Variants in CNTLN observed in about 807,000 individuals in gnomAD.
The protein encoded by CNTLN is centlein, centrosomal protein.
CNTLN carries 212 observed loss-of-function variants against 180.0 expected under a neutral mutation model. That is an observed-to-expected ratio of 1.18 (90% confidence interval 1.05 to 1.32). CNTLN has a LOEUF of 1.32. Among genes scored for constraint, CNTLN ranks in the 40% most tolerant of loss-of-function variants. The probability of loss-of-function intolerance (pLI) is 0.00; values close to 1 mark genes in which losing one functional copy is unlikely to be tolerated. For missense variants in CNTLN, 2,095 were observed against 1,610.9 expected, an observed-to-expected ratio of 1.30 and a Z score of -5.14; for synonymous variants, 722 against 563.1, an observed-to-expected ratio of 1.28 and a Z score of -3.99.
chr9:17,513,469 G>A, the CNTLN span, among the ~76,000 whole-genome samples: 452 of 152,226 alleles, frequency 3.0e-3, 3 homozygotes, highest in African/African-American at 0.01. Flanking sequence ...GCCCAGGCGG[G>A]CAGCTCATTT....
At chr9:17,235,261 A>C (rs1825068680) in intron 3 of CNTLN, among the ~76,000 whole-genome samples, 1 of 152,186 alleles carries the variant, frequency 6.6e-6, no homozygotes, top group Non-Finnish European at 1.5e-5. Context: ...GCTTTTACAA[A>C]ATCATAGTTT....
chr9:17,197,295 A>G (rs769123834), intron 2 of CNTLN, among the ~76,000 whole-genome samples: 1 of 152,150 alleles, frequency 6.6e-6, no homozygotes, highest in Non-Finnish European at 1.5e-5. Context: ...CCTTGTCAGC[A>G]TTTGTAATTG....
chr9:17,253,631 C>T (rs1357325712), intron 5 of CNTLN, among the ~76,000 whole-genome samples: 1 of 150,866 alleles, frequency 6.6e-6, no homozygotes, highest in Non-Finnish European at 1.5e-5. Flanking sequence ...TGCAACTTTA[C>T]TGAATTTATT....
At chr9:17,268,068 C>T (rs929914886) in intron 5 of CNTLN, among the ~76,000 whole-genome samples, 12 of 152,278 alleles carry the variant, frequency 7.9e-5, no homozygotes, top group Middle Eastern at 3.4e-3. Flanking sequence ...AGCTTTGTTC[C>T]GTTGCTGGTG....
chr9:17,161,930 C>T (rs1459356224), intron 2 of CNTLN, among the ~76,000 whole-genome samples: 1 of 151,676 alleles, frequency 6.6e-6, no homozygotes, highest in Non-Finnish European at 1.5e-5. Context: ...TATGGTTAAT[C>T]TTTTTTGTGT....
At chr9:17,480,523 A>G (rs1443398618) in intron 23 of CNTLN, among the ~76,000 whole-genome samples, 5 of 152,216 alleles carry the variant, frequency 3.3e-5, no homozygotes, top group Middle Eastern at 3.2e-3. Context: ...AGTATGTACT[A>G]TACTCAGAAA....
At chr9:17,267,442 C>G (rs1324296326) in intron 5 of CNTLN, among the ~76,000 whole-genome samples, 1 of 152,086 alleles carries the variant, frequency 6.6e-6, no homozygotes, top group Non-Finnish European at 1.5e-5. Context: ...TTGTGGGTAA[C>G]CCGACCTTTC....
At chr9:17,407,908 C>G (rs1827518782) in intron 15 of CNTLN, among the ~76,000 whole-genome samples, 1 of 151,620 alleles carries the variant, frequency 6.6e-6, no homozygotes, top group Non-Finnish European at 1.5e-5. Context: ...GGTGGATTAC[C>G]TGAGGTCAGG....
intron 13 of CNTLN, among the ~76,000 whole-genome samples, chr9:17,383,048 G>A (rs1825382520): frequency 6.6e-6 from 1 of 151,980 alleles, no homozygotes; most frequent in African/African-American, 2.4e-5. Flanking sequence ...TAGAACTGAG[G>A]TGTGACCTCC....
chr9:17,266,816 C>G (rs534759429), intron 5 of CNTLN, among the ~76,000 whole-genome samples: 1 of 152,160 alleles, frequency 6.6e-6, no homozygotes, highest in East Asian at 1.9e-4. Context: ...CTCTTTTGAT[C>G]TTTGTTGGTT....
chr9:17,452,053 A>G (rs1830812766), intron 18 of CNTLN, among the ~76,000 whole-genome samples: 1 of 152,336 alleles, frequency 6.6e-6, no homozygotes, highest in Admixed American at 6.5e-5. Flanking sequence ...TGCTACAACT[A>G]GCAACATGTT....
chr9:17,519,142 G>C, the CNTLN span, among the ~76,000 whole-genome samples: 1 of 145,922 alleles, frequency 6.9e-6, no homozygotes, highest in African/African-American at 2.7e-5. Context: ...TTCCCAGACT[G>C]GTCTCAAACT....
chr9:17,294,145 A>G (rs777744984), intron 6 of CNTLN, among the ~76,000 whole-genome samples: 1 of 152,108 alleles, frequency 6.6e-6, no homozygotes, highest in African/African-American at 2.4e-5. Flanking sequence ...CGAGTGTTAC[A>G]GCTCATAAAG....
chr9:17,205,702 C>A (rs779231118), intron 2 of CNTLN, among the ~76,000 whole-genome samples: 8 of 152,092 alleles, frequency 5.3e-5, no homozygotes, highest in Non-Finnish European at 7.4e-5. Context: ...CTTGGATGCC[C>A]CAATGGCAAC....
At chr9:17,272,853 A>T (rs1203442329) in intron 5 of CNTLN, among the ~76,000 whole-genome samples, 1 of 152,008 alleles carries the variant, frequency 6.6e-6, no homozygotes, top group East Asian at 1.9e-4. Context: ...TTGGGCACAA[A>T]GATAGAGTAA....
Position 17,466,770 on chromosome 9 carries a change from A to G in CNTLN, c.3734A>G (p.Glu1245Gly). Residue 1245 changes from glutamate (E) to glycine (G), a missense_variant, in exon 23 of 26, where the codon GAA becomes GGA. Physicochemically the swap from Glu to Gly is moderately conservative, Grantham distance 98. Transcript: ENST00000380647. ...SETESAMAEI[E>G]TAASKQLQEL... Reference sequence around the variant, plus strand: ...ACTGAATCTGCAATGGCAGAAATTGAAACAGCAGCATCTAAGCAGCTTCAA... The same window carrying G: ...ACTGAATCTGCAATGGCAGAAATTGGAACAGCAGCATCTAAGCAGCTTCAA... 2 of 1,610,900 alleles carry G rather than the reference A, an allele frequency of 1.2e-6. No homozygotes were observed. Among genetic ancestry groups the G allele is most frequent in the Non-Finnish European group, 1.7e-6 (2 of 1,177,932 alleles).
At chr9:17,392,923 G>A (rs4961439) in intron 14 of CNTLN, among the ~76,000 whole-genome samples, 73,980 of 151,962 alleles carry the variant, frequency 0.49, 19,451 homozygotes, top group Non-Finnish European at 0.59. Flanking sequence ...TTAAGAATAT[G>A]TATGTTTTAT....
chr9:17,466,891 G>T lies in CNTLN; in HGVS notation c.3855G>T (p.Lys1285Asn), dbSNP rs781140421. 3.1e-6 allele frequency: 5 copies of T among 1,604,574 alleles called. No homozygotes were observed. The South Asian group carries it at 4.4e-5, about 14-fold the overall frequency. The stretch of plus-strand genomic sequence containing the variant: ...TAGAAGAGTTCACCACATTTGTGAA[G>T]GTTTGAATTACTTGTCGTTTACTAA... ...EKVEEFTTFV[K>N]ALAKELQNDV... The change falls in exon 23 of 26, where the codon AAG (lysine) becomes AAT (asparagine). Residue 1285 changes from lysine (K) to asparagine (N), a missense_variant and splice_region_variant. Transcript: ENST00000380647.
At chr9:17,240,050 G>A (rs992907978) in intron 5 of CNTLN, among the ~76,000 whole-genome samples, 81 of 152,106 alleles carry the variant, frequency 5.3e-4, no homozygotes, top group African/African-American at 1.9e-3. Context: ...ATCAGTTTGG[G>A]GAGTATTACC....
Sources: gnomAD v4.1 joint callset for allele counts (sites outside exome capture counted in the v4.1 genomes callset) on GRCh38, gnomAD v4.1.1 for gene constraint, MANE v1.5 for transcripts, NCBI Gene and HGNC (gene_info 2026-07-23, HGNC 2026-07-21) for gene names.